The following SUMF1 variants were observed in gnomAD, a reference collection of about 807,000 sequenced individuals.
SUMF1 encodes the protein sulfatase modifying factor 1.
SUMF1 carries 48 observed loss-of-function variants against 47.6 expected under a neutral mutation model. The observed-to-expected ratio is 1.01, with a 90% CI of 0.80 to 1.28. SUMF1 has a LOEUF of 1.28. SUMF1 is among the 50% of genes most tolerant of loss of function. The pLI, the probability that SUMF1 is intolerant of heterozygous loss-of-function variation, is 0.00. For missense variants in SUMF1, 571 were observed against 485.4 expected (o/e 1.18, Z -1.66); for synonymous variants, 230 against 192.1 (o/e 1.20, Z -1.63).
In SUMF1 at chr3:4,037,032, A is replaced by G. The variant is rs193100247; in HGVS notation, c.1191+31537T>C. Reference sequence around the variant, plus strand: ...TAAAAGTTTCAAGGAGACACAAATCAGAAAGGTGTATCACCACAGGAGGAG... The same window carrying G: ...TAAAAGTTTCAAGGAGACACAAATCGGAAAGGTGTATCACCACAGGAGGAG... On this transcript the variant is annotated intron_variant and NMD_transcript_variant, in intron 9 of 12. Coordinates refer to the SUMF1 transcript ENST00000448413. Among the ~76,000 whole-genome samples the G allele has an allele frequency of 1.1e-3, 161 of 152,244 alleles. 2 individuals carry two copies. The highest frequency in any genetic ancestry group is 2.2e-3 in the Admixed American group (34 of 15,294).
intron 8 of SUMF1, among the ~76,000 whole-genome samples, chr3:4,110,074 T>C (rs1693257035): frequency 1.3e-5 from 2 of 152,268 alleles, no homozygotes; most frequent in South Asian, 4.2e-4. Flanking sequence ...CTTTGGTCTT[T>C]GATGATGGTG....
chr3:4,143,979 CTT>C (rs1434690467), intron 8 of SUMF1, among the ~76,000 whole-genome samples: 1 of 128,888 alleles, frequency 7.8e-6, no homozygotes, highest in African/African-American at 2.8e-5. Context: ...TGACCACTGT[CTT>C]CTCTCTCTTT....
chr3:4,220,959 G>A (rs1696047305), intron 8 of SUMF1, among the ~76,000 whole-genome samples: 1 of 152,066 alleles, frequency 6.6e-6, no homozygotes, highest in African/African-American at 2.4e-5. Flanking sequence ...TCATGCTACA[G>A]CAGTGGAACT....
chr3:4,209,506 G>C (rs1415809500), intron 8 of SUMF1, among the ~76,000 whole-genome samples: 1 of 151,960 alleles, frequency 6.6e-6, no homozygotes, highest in Non-Finnish European at 1.5e-5. Context: ...TATAAGGAAA[G>C]TTTAAAATTA....
At chr3:4,036,437 A>G (rs537128827) in intron 9 of SUMF1, among the ~76,000 whole-genome samples, 32 of 152,030 alleles carry the variant, frequency 2.1e-4, no homozygotes, top group African/African-American at 7.2e-4. Context: ...ACTGCTGAAA[A>G]TTTTCTGTTG....
At chr3:4,373,954 T>C (rs1700245722) in intron 8 of SUMF1, among the ~76,000 whole-genome samples, 1 of 151,916 alleles carries the variant, frequency 6.6e-6, no homozygotes, top group South Asian at 2.1e-4. Context: ...TCTCAATAGA[T>C]GCAGAAAAAG....
chr3:4,115,231 C>T (rs1167970278), intron 8 of SUMF1, among the ~76,000 whole-genome samples: 1 of 152,044 alleles, frequency 6.6e-6, no homozygotes, highest in Non-Finnish European at 1.5e-5. Flanking sequence ...AGCCAGTCTC[C>T]AGGGGAAGAT....
At chr3:4,128,221 G>A (rs924157271) in intron 8 of SUMF1, among the ~76,000 whole-genome samples, 9 of 152,118 alleles carry the variant, frequency 5.9e-5, no homozygotes, top group Non-Finnish European at 1.0e-4. Context: ...CTTATCATGC[G>A]AGTGACTGAC....
At chr3:4,316,460 T>G in intron 8 of SUMF1, 1 of 1,604,580 alleles carries the variant, frequency 6.2e-7, no homozygotes, top group Non-Finnish European at 8.5e-7. Context: ...TCATCGAAGC[T>G]GATCCCCTTA....
rs1575220533 is a variant in SUMF1 at position 4,437,265 on chromosome 3, A to G, written c.519+12001T>C. Among the ~76,000 whole-genome samples, 5 of 152,226 alleles carry G rather than the reference A, an allele frequency of 3.3e-5. No homozygotes were observed. In the South Asian group the frequency reaches 1.0e-3, roughly 32 times the overall value. ...TGGACACCAGTAATACGTAAGTTGG[A>G]TAACGATGACTAGAGTAAGGTCATG... On this transcript the variant is annotated intron_variant, in intron 3 of 8. Transcript: ENST00000272902.
intron 9 of SUMF1, among the ~76,000 whole-genome samples, chr3:4,064,902 A>G (rs1695343257): frequency 6.6e-6 from 1 of 152,198 alleles, no homozygotes; most frequent in African/African-American, 2.4e-5. Context: ...ATAAAACAGC[A>G]TGGGACACAG....
intron 8 of SUMF1, among the ~76,000 whole-genome samples, chr3:4,302,816 G>C (rs1001296700): frequency 6.6e-6 from 1 of 152,196 alleles, no homozygotes; most frequent in Non-Finnish European, 1.5e-5. Flanking sequence ...GTTTGGAGGG[G>C]TGAGGGTAGA....
At chr3:4,279,652 A>T (rs1333512889) in intron 8 of SUMF1, among the ~76,000 whole-genome samples, 1 of 152,062 alleles carries the variant, frequency 6.6e-6, no homozygotes, top group Non-Finnish European at 1.5e-5. Context: ...GAAGCAATAA[A>T]TGCAAAAAAA....
At chr3:4,300,741 A>G (rs1461836601) in intron 8 of SUMF1, among the ~76,000 whole-genome samples, 1 of 152,208 alleles carries the variant, frequency 6.6e-6, no homozygotes, top group Non-Finnish European at 1.5e-5. Context: ...AGTATAAAAG[A>G]CTAGGGAAAG....
rs184972570 is a variant in SUMF1, at chr3:4,151,471, A to G, written c.1015-82726T>C. ...TATGTATACATGTGTATATATGTAT[A>G]TATGTATATATGTGTATATATACGT... On this transcript the variant is annotated intron_variant and NMD_transcript_variant, in intron 8 of 12. Transcript: ENST00000448413. 5.5e-5 allele frequency among the ~76,000 whole-genome samples: 8 copies of G among 146,754 alleles called. No homozygotes were observed. In the East Asian group the frequency reaches 1.2e-3, roughly 21 times the overall value.
intron 6 of SUMF1, among the ~76,000 whole-genome samples, chr3:4,411,380 T>C (rs1421193187): frequency 2.6e-5 from 4 of 152,152 alleles, no homozygotes; most frequent in African/African-American, 4.8e-5. Flanking sequence ...AGCTCAGCTT[T>C]CCTGGCCACA....
rs1406017378 is a variant in SUMF1, at chr3:4,376,505, A to C, written c.955-116T>G. 8 of 1,031,868 alleles carry C rather than the reference A, an allele frequency of 7.8e-6. No homozygotes were observed. In the East Asian group the frequency reaches 1.9e-4, roughly 25 times the overall value. The allele number at this position is 1,031,868 out of a possible 1,614,324, so 63.9% of individuals were successfully genotyped here. On this transcript the variant is annotated intron_variant, in intron 7 of 8. Coordinates refer to ENST00000272902, the MANE Select transcript of SUMF1 (RefSeq NM_182760.4). ...TCTCATGGTTGCCTAAACTCTCCAC[A>C]TGCATTTCCACCCCTAGGCTTTGTA...
chr3:4,107,958 A>G (rs1693196287), intron 8 of SUMF1, among the ~76,000 whole-genome samples: 1 of 152,162 alleles, frequency 6.6e-6, no homozygotes, highest in African/African-American at 2.4e-5. Context: ...AAAAGAAAGA[A>G]AGAGATAAGG....
intron 3 of SUMF1, among the ~76,000 whole-genome samples, chr3:4,448,490 C>T (rs918960448): frequency 6.6e-6 from 1 of 152,186 alleles, no homozygotes; most frequent in Non-Finnish European, 1.5e-5. Context: ...ATCTCCTATC[C>T]CTTCTGCATT....
Sources: gnomAD v4.1 joint callset for allele counts (sites outside exome capture counted in the v4.1 genomes callset) on GRCh38, gnomAD v4.1.1 for gene constraint, MANE v1.5 for transcripts, NCBI Gene and HGNC (gene_info 2026-07-23, HGNC 2026-07-21) for gene names.